LDB2: variants seen among roughly 807,000 people sequenced by gnomAD.
LDB2 encodes the protein LIM domain-binding protein 2.
Under a neutral mutation model 44.3 loss-of-function variants are expected in LDB2, and 12 were observed. That is an observed-to-expected ratio of 0.27 (90% confidence interval 0.17 to 0.44). The LOEUF (loss-of-function observed/expected upper bound fraction) is 0.44, where lower values mean the gene tolerates loss of function less well. Among genes scored for constraint, LDB2 ranks in the 20% least tolerant of loss-of-function variants. The probability of loss-of-function intolerance (pLI) is 1.00; values close to 1 mark genes in which losing one functional copy is unlikely to be tolerated. For missense variants in LDB2, 344 were observed against 473.5 expected, an observed-to-expected ratio of 0.73 and a Z score of 2.54; for synonymous variants, 164 against 174.8, an observed-to-expected ratio of 0.94 and a Z score of 0.49.
At chr4:16,766,044 A>G (rs1769130358) in intron 1 of LDB2, among the ~76,000 whole-genome samples, 1 of 152,168 alleles carries the variant, frequency 6.6e-6, no homozygotes, top group Admixed American at 6.6e-5. Flanking sequence ...TCATGGGCCC[A>G]TTACCCGGAA....
At chr4:16,557,638 G>T (rs1048525970) in intron 5 of LDB2, among the ~76,000 whole-genome samples, 1 of 152,228 alleles carries the variant, frequency 6.6e-6, no homozygotes, top group Non-Finnish European at 1.5e-5. Context: ...TGGGGGCAGG[G>T]CACAGACAAA....
At chr4:16,703,111 G>A (rs1753848372) in intron 2 of LDB2, among the ~76,000 whole-genome samples, 2 of 152,048 alleles carry the variant, frequency 1.3e-5, no homozygotes, top group African/African-American at 2.4e-5. Context: ...AATAAATGTC[G>A]AACAAGTCAA....
intron 1 of LDB2, among the ~76,000 whole-genome samples, chr4:16,777,608 G>T (rs184515036): frequency 1.4e-3 from 218 of 152,302 alleles, no homozygotes; most frequent in African/African-American, 5.1e-3. Flanking sequence ...CATGTGTCAT[G>T]ATCAATTTAG....
intron 2 of LDB2, among the ~76,000 whole-genome samples, chr4:16,758,236 C>CA (rs992110757): frequency 2.0e-5 from 3 of 152,158 alleles, no homozygotes; most frequent in Non-Finnish European, 4.4e-5. Flanking sequence ...TAGCAACAAT[C>CA]AGAGCTTTCA....
intron 1 of LDB2, among the ~76,000 whole-genome samples, chr4:16,860,688 G>C (rs1164836385): frequency 6.6e-6 from 1 of 152,184 alleles, no homozygotes; most frequent in Non-Finnish European, 1.5e-5. Flanking sequence ...ATTCTAAGAT[G>C]ATCTCATTCA....
chr4:16,596,388 C>G (rs1433739863), intron 2 of LDB2, among the ~76,000 whole-genome samples: 1 of 151,650 alleles, frequency 6.6e-6, no homozygotes, highest in Admixed American at 6.6e-5. Context: ...CAGAACAATC[C>G]CAAGAGAGTG....
rs772892251 is a variant in LDB2, at chr4:16,508,574, C to T, written c.852G>A (p.Lys284=). The T allele has an allele frequency of 6.2e-7, 1 of 1,609,764 alleles. No individual in the cohort carries two copies. The highest frequency in any genetic ancestry group is 1.7e-5 in the Admixed American group (1 of 59,584). Residue 284 remains lysine (K), a synonymous_variant, in exon 7 of 8, where the codon AAG becomes AAA. Transcript: ENST00000304523. The part of the protein sequence containing the change: ...NNANSTGSKK[K]TTAANLSLSS... ...ACAGACTCAGGTTTGCAGCTGTGGTCTTCTTCTTGCTGCCAGTGCTGTTTG... is the reference window on the plus strand; with the variant it reads ...ACAGACTCAGGTTTGCAGCTGTGGTTTTCTTCTTGCTGCCAGTGCTGTTTG...
chr4:16,872,133 C>A (rs1020514283), intron 1 of LDB2, among the ~76,000 whole-genome samples: 2 of 151,834 alleles, frequency 1.3e-5, no homozygotes, highest in African/African-American at 2.4e-5. Flanking sequence ...TATGTATATA[C>A]ACGCTCTTTT....
At chr4:16,557,154 G>A (rs1739952278) in intron 5 of LDB2, among the ~76,000 whole-genome samples, 1 of 152,194 alleles carries the variant, frequency 6.6e-6, no homozygotes. Flanking sequence ...CGACGCAGAA[G>A]ACGGGTGATT....
At chr4:16,662,109 C>A (rs1366037918) in intron 2 of LDB2, among the ~76,000 whole-genome samples, 1 of 152,158 alleles carries the variant, frequency 6.6e-6, no homozygotes, top group African/African-American at 2.4e-5. Flanking sequence ...TATGCAAATT[C>A]TCTTTGTAAA....
intron 2 of LDB2, among the ~76,000 whole-genome samples, chr4:16,686,543 G>A (rs1294272658): frequency 1.3e-5 from 2 of 152,176 alleles, no homozygotes; most frequent in Non-Finnish European, 2.9e-5. Flanking sequence ...TGACAACTGA[G>A]GCAGAGAATC....
chr4:16,897,925 T>TATATATACACA (rs1554069257), intron 1 of LDB2, among the ~76,000 whole-genome samples: 2 of 16,938 alleles, frequency 1.2e-4, no homozygotes, highest in East Asian at 8.9e-3. Flanking sequence ...TATATATATA[T>TATATATACACA]ATATATATAT....
At chr4:16,760,704 G>A (rs1370751395) in intron 1 of LDB2, among the ~76,000 whole-genome samples, 1 of 152,172 alleles carries the variant, frequency 6.6e-6, no homozygotes, top group Non-Finnish European at 1.5e-5. Context: ...AATCACATGA[G>A]CAACTAAACA....
At chr4:16,549,999 C>T (rs2152345618) in intron 5 of LDB2, among the ~76,000 whole-genome samples, 1 of 152,318 alleles carries the variant, frequency 6.6e-6, no homozygotes, top group Non-Finnish European at 1.5e-5. Flanking sequence ...CTTGCCCAAT[C>T]TGTATTTACA....
intron 5 of LDB2, among the ~76,000 whole-genome samples, chr4:16,573,345 G>T (rs1226946707): frequency 2.0e-5 from 3 of 152,120 alleles, no homozygotes; most frequent in East Asian, 3.8e-4. Flanking sequence ...TGTGACACGT[G>T]CTCCTCCAGC....
At chr4:16,553,174 A>G (rs954561820) in intron 5 of LDB2, among the ~76,000 whole-genome samples, 1 of 152,168 alleles carries the variant, frequency 6.6e-6, no homozygotes, top group Admixed American at 6.5e-5. Flanking sequence ...ATTTTTTGAG[A>G]CAGGGTACCT....
At chr4:16,705,723 G>C (rs1754463169) in intron 2 of LDB2, among the ~76,000 whole-genome samples, 1 of 152,154 alleles carries the variant, frequency 6.6e-6, no homozygotes. Flanking sequence ...TCCTCTGCAT[G>C]ATTTTAAACT....
intron 1 of LDB2, among the ~76,000 whole-genome samples, chr4:16,863,181 A>G (rs1281061521): frequency 1.3e-5 from 2 of 152,220 alleles, no homozygotes; most frequent in Non-Finnish European, 2.9e-5. Context: ...TTTAAAGGGC[A>G]AGAGTTACAA....
chr4:16,638,216 A>C (rs898531826), intron 2 of LDB2, among the ~76,000 whole-genome samples: 1 of 152,198 alleles, frequency 6.6e-6, no homozygotes, highest in Non-Finnish European at 1.5e-5. Flanking sequence ...GCAGGAAATA[A>C]AAAGCAGGAT....
Sources: allele counts gnomAD v4.1 joint callset (sites outside exome capture counted in the v4.1 genomes callset), GRCh38; gene constraint gnomAD v4.1.1; transcripts MANE v1.5; gene names NCBI Gene and HGNC (gene_info 2026-07-23, HGNC 2026-07-21).